Variants in ADRB3 observed in about 807,000 individuals in gnomAD.
ADRB3 encodes the protein beta-3 adrenergic receptor.
Under a neutral mutation model 23.8 loss-of-function variants are expected in ADRB3, and 33 were observed. That is an observed-to-expected ratio of 1.38 (90% CI 1.05 to 1.85). The LOEUF is 1.85. Ranked by LOEUF, ADRB3 falls within the 40% of genes most tolerant of loss-of-function variation. ADRB3 has a pLI of 0.00. For missense variants in ADRB3, 600 were observed against 579.6 expected, an observed-to-expected ratio of 1.04 and a Z score of -0.36; for synonymous variants, 289 against 273.0, an observed-to-expected ratio of 1.06 and a Z score of -0.58.
Position 37,966,255 on chromosome 8 carries a change from G to A in ADRB3, c.215C>T (p.Thr72Ile). The A allele has an allele frequency of 6.2e-7, 1 of 1,613,714 alleles. No individual in the cohort carries two copies. The highest frequency in any genetic ancestry group is 8.5e-7 in the Non-Finnish European group (1 of 1,179,824). ...GGCCAGCGAAGTCACGAACACGTTGGTCATGGTCTGGAGTCTCGGAGTCCA... is the reference window on the plus strand; with the variant it reads ...GGCCAGCGAAGTCACGAACACGTTGATCATGGTCTGGAGTCTCGGAGTCCA... ...IAWTPRLQTM[T>I]NVFVTSLAAA... is the part of the protein sequence containing the mutation. The change falls in exon 1 of 2, where the codon ACC becomes ATC. Residue 72 changes from threonine (T) to isoleucine (I), a missense_variant. Coordinates refer to ENST00000345060, the MANE Select transcript of ADRB3 (RefSeq NM_000025.3).
rs947515967 is a variant in ADRB3, at chr8:37,963,110, C to T, written c.*1108G>A. The T allele has an allele frequency of 1.3e-5, 2 of 152,136 alleles. No individual in the cohort carries two copies. The highest frequency in any genetic ancestry group is 2.9e-5 in the Non-Finnish European group (2 of 68,098). 9.4% of individuals were successfully genotyped at this position (152,136 alleles called of 1,614,324 possible). A position where few individuals can be genotyped will look rare whatever the true frequency, so the allele number is the denominator to read the frequency against. Reference sequence around the variant, plus strand: ...GAAACATCAGAATATATTTATGACACAAGACATTTGACCAACCCAAGCAAT... The same window carrying T: ...GAAACATCAGAATATATTTATGACATAAGACATTTGACCAACCCAAGCAAT... On this transcript the variant is annotated 3_prime_UTR_variant, in exon 2 of 2. Transcript: ENST00000345060.
chr8:37,966,397 C>T lies in ADRB3; in HGVS notation c.73G>A (p.Ala25Thr), dbSNP rs201607471. 6.4e-5 allele frequency: 103 copies of T among 1,608,568 alleles called. No homozygotes were observed. Among genetic ancestry groups the T allele is most frequent in the Non-Finnish European group, 8.3e-5 (98 of 1,178,322 alleles). The change falls in exon 1 of 2, where the codon GCC (alanine) becomes ACC (threonine). Residue 25 changes from alanine to threonine, a missense_variant. Coordinates refer to ENST00000345060, the MANE Select transcript of ADRB3 (RefSeq NM_000025.3). ...ACCCCTGGCAGCCCACTGGTGTTGGCGGTATTGGGCGCCAGGGTGGGGAGG... is the reference window on the plus strand; with the variant it reads ...ACCCCTGGCAGCCCACTGGTGTTGGTGGTATTGGGCGCCAGGGTGGGGAGG... ...PDLPTLAPNT[A>T]NTSGLPGVPW...
Position 37,965,615 on chromosome 8 carries a change from G to A in ADRB3, c.855C>T (p.Leu285=), listed in dbSNP as rs1477027529. 6.5e-7 allele frequency: 1 copy of A among 1,542,930 alleles called. No individual in the cohort carries two copies. Among genetic ancestry groups the A allele is most frequent in the Non-Finnish European group, 8.7e-7 (1 of 1,144,262 alleles). ...CGRRPARLLP[L]REHRALCTLG... ...AGGTGCACAGGGCCCGGTGTTCCCG[G>A]AGAGGCAGGAGGCGCGCGGGCCGCC... Residue 285 remains leucine (L), a synonymous_variant, in exon 1 of 2, where the codon CTC becomes CTT. Coordinates refer to ENST00000345060, the MANE Select transcript of ADRB3 (RefSeq NM_000025.3).
rs533393314 is a variant in ADRB3 at position 37,965,705 on chromosome 8, C to T, written c.765G>A (p.Ser255=). The T allele has an allele frequency of 6.5e-7, 1 of 1,545,668 alleles. No individual in the cohort carries two copies. Among genetic ancestry groups the T allele is most frequent in the African/African-American group, 1.4e-5 (1 of 72,836 alleles). The part of the protein sequence containing the change: ...FPPEESPPAP[S]RSLAPAPVGT... ...CCACCGGGGCCGGGGCCAGAGAGCG[C>T]GACGGCGCCGGCGGAGACTCCTCGG... Residue 255 remains serine, a synonymous_variant, in exon 1 of 2, where the codon TCG becomes TCA. Coordinates refer to ENST00000345060, the MANE Select transcript of ADRB3 (RefSeq NM_000025.3).
At chr8:37,964,542 CGGGTGGGGG>C (rs1248306781) in intron 1 of ADRB3, among the ~76,000 whole-genome samples, 1 of 9,668 alleles carries the variant, frequency 1.0e-4, no homozygotes, top group East Asian at 2.9e-3. Flanking sequence ...GCTTGGGGGG[CGGGTGGGGG>C]GGCACTAGCC....
rs573164056 is a variant in ADRB3, at chr8:37,964,876, C to T, written c.1205+389G>A. The T allele has an allele frequency of 1.6e-5, 3 of 188,394 alleles. No homozygotes were observed. The South Asian group carries it at 4.7e-4, about 30-fold the overall frequency. The allele number at this position is 188,394 out of a possible 1,614,324, so 11.7% of individuals were successfully genotyped here. ...GAGCCCAGGAGCCAGGAGTTCAAGA[C>T]TGCAGTGAGCTGAGATCGCGCCACT... On this transcript the variant is annotated intron_variant, in intron 1 of 1. Coordinates refer to ENST00000345060, the MANE Select transcript of ADRB3 (RefSeq NM_000025.3).
At position 37,964,167 on chromosome 8, in the gene ADRB3, G is replaced by A; in HGVS notation, c.*51C>T. 1 of 1,560,126 alleles carries A rather than the reference G, an allele frequency of 6.4e-7. No individual in the cohort carries two copies. Among genetic ancestry groups the A allele is most frequent in the South Asian group, 1.1e-5 (1 of 89,784 alleles). ...GGACTCATTCTGAACAGAGGCCAGA[G>A]GTTTTCCACAGGTTCTGATCAACAG... On this transcript the variant is annotated 3_prime_UTR_variant, in exon 2 of 2. Transcript: ENST00000345060.
intron 1 of ADRB3, 105 bp from the exon 2 acceptor site, chr8:37,964,344 C>A: frequency 8.9e-6 from 9 of 1,013,810 alleles, no homozygotes; most frequent in Non-Finnish European, 9.0e-6. Flanking sequence ...TTTAGTTACA[C>A]AAAAACGCCA....
Position 37,966,240 on chromosome 8 carries a change from G to A in ADRB3, c.230C>T (p.Thr77Ile). The A allele has an allele frequency of 6.2e-7, 1 of 1,613,606 alleles. No individual in the cohort carries two copies. Reference protein sequence around the residue: ...RLQTMTNVFVTSLAAADLVMG... With the variant: ...RLQTMTNVFVISLAAADLVMG... Reference sequence around the variant, plus strand: ...CACCAGGTCGGCTGCGGCCAGCGAAGTCACGAACACGTTGGTCATGGTCTG... The same window carrying A: ...CACCAGGTCGGCTGCGGCCAGCGAAATCACGAACACGTTGGTCATGGTCTG... The change falls in exon 1 of 2, where the codon ACT becomes ATT. Residue 77 changes from threonine (T) to isoleucine (I), a missense_variant. Coordinates refer to ENST00000345060, the MANE Select transcript of ADRB3 (RefSeq NM_000025.3).
In ADRB3 at chr8:37,966,176, C is replaced by T. The variant is rs1449839558; in HGVS notation, c.294G>A (p.Ala98=). The T allele has an allele frequency of 6.2e-7, 1 of 1,610,584 alleles. No homozygotes were observed. Among genetic ancestry groups the T allele is most frequent in the Non-Finnish European group, 8.5e-7 (1 of 1,178,828 alleles). The part of the protein sequence containing the change: ...LLVVPPAATL[A]LTGHWPLGAT... ...CGCCCAACGGCCAGTGGCCAGTCAG[C>T]GCCAAGGTGGCCGCCGGCGGCACCA... Residue 98 remains alanine, a synonymous_variant, in exon 1 of 2, where the codon GCG becomes GCA. Coordinates refer to ENST00000345060, the MANE Select transcript of ADRB3 (RefSeq NM_000025.3).
At position 37,965,472 on chromosome 8, in the gene ADRB3, C is replaced by T. The variant is rs368382464; in HGVS notation, c.998G>A (p.Trp333Ter). ...VPGPAFLALNWLGYANSAFNP... is the reference protein window; with the variant it reads ...VPGPAFLALN ...GAAGGCAGAATTGGCATAACCTAGC[C>T]AGTTCAGGGCAAGGAAAGCCGGGCC... Residue 333 changes from tryptophan (W) to a stop codon, truncating the protein, a stop_gained, in exon 1 of 2, where the codon TGG (tryptophan) becomes TAG (stop). Transcript: ENST00000345060. LOFTEE classifies it high-confidence loss of function. 2 of 1,552,102 alleles carry T rather than the reference C, an allele frequency of 1.3e-6. No homozygotes were observed. The highest frequency in any genetic ancestry group is 1.7e-6 in the Non-Finnish European group (2 of 1,147,402).
chr8:37,965,030 C>T (rs1056356646), intron 1 of ADRB3: 11 of 487,214 alleles, frequency 2.3e-5, no homozygotes, highest in Non-Finnish European at 3.9e-5. Context: ...CACCTTGGGT[C>T]CTTGGGTGAG....
chr8:37,965,322 C>G lies in ADRB3; in HGVS notation c.1148G>C (p.Gly383Ala). The change falls in exon 1 of 2, where the codon GGC (glycine) becomes GCC (alanine). Residue 383 changes from glycine to alanine, a missense_variant. Transcript: ENST00000345060. ...TGGGCTGCTCCGGGCCGCAGGAACGCCCGAGGGGAAGAGGGCCGGGCGGGC... is the reference window on the plus strand; with the variant it reads ...TGGGCTGCTCCGGGCCGCAGGAACGGCCGAGGGGAAGAGGGCCGGGCGGGC... The part of the protein sequence containing the change: ...AAARPALFPS[G>A]VPAARSSPAQ... 1.3e-6 allele frequency: 2 copies of G among 1,543,870 alleles called. No homozygotes were observed. The highest frequency in any genetic ancestry group is 1.7e-6 in the Non-Finnish European group (2 of 1,148,310).
In ADRB3 at chr8:37,965,407, C is replaced by T. The variant is rs200328265; in HGVS notation, c.1063G>A (p.Ala355Thr). ...IYCRSPDFRS[A>T]FRRLLCRCGR... Reference sequence around the variant, plus strand: ...CAGCGGCACAGAAGACGGCGGAAGGCGCTGCGAAAGTCCGGGCTGCGGCAG... The same window carrying T: ...CAGCGGCACAGAAGACGGCGGAAGGTGCTGCGAAAGTCCGGGCTGCGGCAG... Residue 355 changes from alanine to threonine, a missense_variant, in exon 1 of 2, where the codon GCC (alanine) becomes ACC (threonine). Transcript: ENST00000345060. 5.2e-5 allele frequency: 81 copies of T among 1,548,940 alleles called. No individual in the cohort carries two copies. The highest frequency in any genetic ancestry group is 2.1e-4 in the South Asian group (18 of 83,730).
chr8:37,965,124 C>T, intron 1 of ADRB3, 141 bp downstream of exon 1: 1 of 889,774 alleles, frequency 1.1e-6, no homozygotes, highest in Non-Finnish European at 1.6e-6. Flanking sequence ...CATTTTGGTT[C>T]GCTACTCCTC....
intron 1 of ADRB3, chr8:37,965,006 G>C: frequency 2.2e-6 from 1 of 445,444 alleles, no homozygotes; most frequent in East Asian, 3.8e-5. Flanking sequence ...ACACCGCAGC[G>C]CTTTCCGGTG....
At position 37,965,429 on chromosome 8, in the gene ADRB3, G is replaced by T; in HGVS notation, c.1041C>A (p.Cys347Ter). 1 of 1,550,288 alleles carries T rather than the reference G, an allele frequency of 6.5e-7. No homozygotes were observed. Among genetic ancestry groups the T allele is most frequent in the Non-Finnish European group, 8.7e-7 (1 of 1,146,754 alleles). ...ANSAFNPLIY[C>*]RSPDFRSAFR... ...AGGCGCTGCGAAAGTCCGGGCTGCG[G>T]CAGTAGATGAGCGGGTTGAAGGCAG... The change falls in exon 1 of 2, where the codon TGC (cysteine) becomes TGA (stop). Residue 347 changes from cysteine (C) to a stop codon, truncating the protein, a stop_gained. Transcript: ENST00000345060. LOFTEE classifies it high-confidence loss of function.
In ADRB3 at chr8:37,965,768, C is replaced by A; in HGVS notation, c.702G>T (p.Gln234His). 1 of 1,551,182 alleles carries A rather than the reference C, an allele frequency of 6.4e-7. No homozygotes were observed. The highest frequency in any genetic ancestry group is 8.7e-7 in the Non-Finnish European group (1 of 1,146,840). The change falls in exon 1 of 2, where the codon CAG (glutamine) becomes CAT (histidine). Residue 234 changes from glutamine to histidine, a missense_variant. By Grantham distance (24) the Gln-to-His change is conservative. Transcript: ENST00000345060. ...CCAGCTCCCCGCGCAGCAAGCGCAGCTGGCGCGTAGCCACCACGAAAACCC... is the reference window on the plus strand; with the variant it reads ...CCAGCTCCCCGCGCAGCAAGCGCAGATGGCGCGTAGCCACCACGAAAACCC... ...YARVFVVATR[Q>H]LRLLRGELGR...
rs952779809 is a variant in ADRB3 at position 37,964,041 on chromosome 8, A to G, written c.*177T>C. ...GAAAACATCTCTCAGACAGAGAGCAAGAGGATGGTGAAAACCCACTTGGTA... is the reference window on the plus strand; with the variant it reads ...GAAAACATCTCTCAGACAGAGAGCAGGAGGATGGTGAAAACCCACTTGGTA... On this transcript the variant is annotated 3_prime_UTR_variant, in exon 2 of 2. Transcript: ENST00000345060. 8.5e-6 allele frequency: 5 copies of G among 590,696 alleles called. No individual in the cohort carries two copies. Among genetic ancestry groups the G allele is most frequent in the Non-Finnish European group, 1.5e-5 (5 of 325,796 alleles). The allele number at this position is 590,696 out of a possible 1,614,324, so 36.6% of individuals were successfully genotyped here.
Sources: allele counts gnomAD v4.1 joint callset (sites outside exome capture counted in the v4.1 genomes callset), GRCh38; gene constraint gnomAD v4.1.1; transcripts MANE v1.5; gene names NCBI Gene and HGNC (gene_info 2026-07-23, HGNC 2026-07-21).